Variants in ENSA observed in about 807,000 individuals in gnomAD.
ENSA encodes alpha-endosulfine.
ENSA carries 7 observed loss-of-function variants against 16.8 expected under a neutral mutation model. That is an observed-to-expected ratio of 0.42 (90% CI 0.24 to 0.78). The LOEUF (loss-of-function observed/expected upper bound fraction) is 0.78, where lower values mean the gene tolerates loss of function less well. ENSA is among the 30% of genes least tolerant of loss of function. The pLI is 0.29. For missense variants in ENSA, 87 were observed against 142.3 expected (o/e 0.61, Z 1.98); for synonymous variants, 58 against 53.4 (o/e 1.09, Z -0.37).
In ENSA at chr1:150,622,864, G is replaced by A. The variant is rs751325976; in HGVS notation, c.351-5C>T. 290 of 1,548,990 alleles carry A rather than the reference G, an allele frequency of 1.9e-4. No homozygotes were observed. The highest frequency in any genetic ancestry group is 2.4e-4 in the Non-Finnish European group (270 of 1,146,976). On this transcript the variant is annotated splice_polypyrimidine_tract_variant and splice_region_variant and intron_variant, in intron 3 of 3. Transcript: ENST00000369014. The stretch of plus-strand genomic sequence containing the variant: ...CAGCATCATTCAACTTGGCCACTGC[G>A]GACGAACACAGAAGAAAAAAAAAAA...
chr1:150,623,880 A>T, intron 3 of ENSA: 2 of 985,594 alleles, frequency 2.0e-6, no homozygotes, highest in African/African-American at 3.5e-5. Flanking sequence ...CTCCTATCCA[A>T]TTTGAATGAC....
rs1649311207 is a variant in ENSA at position 150,626,392 on chromosome 1, C to T, written c.184-584G>A. On this transcript the variant is annotated intron_variant, in intron 2 of 3. Coordinates refer to ENST00000369014, the MANE Select transcript of ENSA (RefSeq NM_004436.4). Reference sequence around the variant, plus strand: ...AGCCTGCCCACGCCTGCCTTGCCTCCAGCAAGGTAAATGCAAATCAGCATC... The same window carrying T: ...AGCCTGCCCACGCCTGCCTTGCCTCTAGCAAGGTAAATGCAAATCAGCATC... The T allele has an allele frequency of 4.4e-6, 6 of 1,352,048 alleles. No homozygotes were observed. In the Admixed American group the frequency reaches 5.2e-5, roughly 12 times the overall value. The allele number at this position is 1,352,048 out of a possible 1,614,324, so 83.8% of individuals were successfully genotyped here. A position where few individuals can be genotyped will look rare whatever the true frequency, so the allele number is the denominator to read the frequency against.
chr1:150,626,951 CTT>C (rs200689397), intron 2 of ENSA: 8,083 of 702,082 alleles, frequency 0.012, 56 homozygotes, highest in South Asian at 0.025. Context: ...TAGACTCTCT[CTT>C]GGTAAGGAGG....
Position 150,625,716 on chromosome 1 carries a change from C to A in ENSA, c.276G>T (p.Val92=), listed in dbSNP as rs778844671. Residue 92 remains valine (V), a synonymous_variant, in exon 3 of 4, where the codon GTG becomes GTT. Transcript: ENST00000369014. ...LPSAGPDKNL[V]TGDHIPTPQD... ...GTGGGGTGGGGATGTGATCACCAGTCACCAGGTTCTTGTCTGGTCCTGCAC... is the reference window on the plus strand; with the variant it reads ...GTGGGGTGGGGATGTGATCACCAGTAACCAGGTTCTTGTCTGGTCCTGCAC... 47 of 1,613,112 alleles carry A rather than the reference C, an allele frequency of 2.9e-5. No homozygotes were observed. In the East Asian group the frequency reaches 1.0e-3, roughly 36 times the overall value.
chr1:150,625,480 CCCTTTTCAA>C, intron 3 of ENSA, 153 bp downstream of exon 3: 2 of 1,332,516 alleles, frequency 1.5e-6, no homozygotes, highest in Non-Finnish European at 1.9e-6. Flanking sequence ...AACTTAGAGC[CCCTTTTCAA>C]CCTACATTAC....
intron 3 of ENSA, 62 bp from the exon 4 acceptor site, chr1:150,622,921 AC>A: frequency 1.3e-6 from 2 of 1,528,966 alleles, no homozygotes; most frequent in Non-Finnish European, 1.8e-6. Flanking sequence ...GGGGAAAAAA[AC>A]CCTGAACTCC....
chr1:150,624,919 G>A (rs1244417110), intron 3 of ENSA: 1 of 974,668 alleles, frequency 1.0e-6, no homozygotes, highest in East Asian at 1.1e-4. Flanking sequence ...TGAGTAGAGT[G>A]AGAACCCAGA....
chr1:150,621,780 C>G (rs1339229047), downstream of ENSA: 1 of 152,134 alleles, frequency 6.6e-6, no homozygotes, highest in Non-Finnish European at 1.5e-5. Context: ...TGGTTTGTCA[C>G]ATTTCTCCCT....
chr1:150,627,519 A>T lies in ENSA; in HGVS notation c.131T>A (p.Leu44Gln). 3.1e-6 allele frequency: 5 copies of T among 1,614,180 alleles called. No homozygotes were observed. The highest frequency in any genetic ancestry group is 4.2e-6 in the Non-Finnish European group (5 of 1,180,026). Reference sequence around the variant, plus strand: ...GTCGGAGCCTCCAGGCTTTTGTCCTAGGCTTGGGTATTTGGCCTTTAGCTT... The same window carrying T: ...GTCGGAGCCTCCAGGCTTTTGTCCTTGGCTTGGGTATTTGGCCTTTAGCTT... ...EAKLKAKYPS[L>Q]GQKPGGSDFL... The change falls in exon 2 of 4, where the codon CTA becomes CAA. Residue 44 changes from leucine to glutamine, a missense_variant. Coordinates refer to ENST00000369014, the MANE Select transcript of ENSA (RefSeq NM_004436.4).
At position 150,627,518 on chromosome 1, in the gene ENSA, T is replaced by A. The variant is rs1439479958; in HGVS notation, c.132A>T (p.Leu44=). ...AGTCGGAGCCTCCAGGCTTTTGTCC[T>A]AGGCTTGGGTATTTGGCCTTTAGCT... The part of the protein sequence containing the change: ...EAKLKAKYPS[L]GQKPGGSDFL... Residue 44 remains leucine, a synonymous_variant, in exon 2 of 4, where the codon CTA becomes CTT. Coordinates refer to ENST00000369014, the MANE Select transcript of ENSA (RefSeq NM_004436.4). 31 of 1,614,230 alleles carry A rather than the reference T, an allele frequency of 1.9e-5. No individual in the cohort carries two copies. The highest frequency in any genetic ancestry group is 2.6e-5 in the Non-Finnish European group (31 of 1,180,048).
intron 1 of ENSA, among the ~76,000 whole-genome samples, chr1:150,628,579 G>A (rs1649511957): frequency 6.6e-6 from 1 of 151,080 alleles, no homozygotes; most frequent in Admixed American, 6.6e-5. Context: ...TCTTTTTAGT[G>A]GAATTATATT....
Position 150,622,877 on chromosome 1 carries a change from A to AC in ENSA, c.351-19_351-18insG. 4.5e-6 allele frequency: 7 copies of AC among 1,543,342 alleles called. No homozygotes were observed. The highest frequency in any genetic ancestry group is 4.4e-6 in the Non-Finnish European group (5 of 1,143,036). On this transcript the variant is annotated intron_variant, in intron 3 of 3. Coordinates refer to ENST00000369014, the MANE Select transcript of ENSA (RefSeq NM_004436.4). ...CTTGGCCACTGCGGACGAACACAGAAGAAAAAAAAAAAAAACAACACTGTC... is the reference window on the plus strand; with the variant it reads ...CTTGGCCACTGCGGACGAACACAGAACGAAAAAAAAAAAAAACAACACTGTC...
intron 3 of ENSA, chr1:150,624,614 G>A (rs587648697): frequency 2.0e-6 from 2 of 985,678 alleles, no homozygotes; most frequent in Non-Finnish European, 2.4e-6. Flanking sequence ...TATCTATAAG[G>A]TTCTCTTGCC....
chr1:150,629,111 T>C, intron 1 of ENSA: 1 of 1,614,138 alleles, frequency 6.2e-7, no homozygotes, highest in Non-Finnish European at 8.5e-7. Flanking sequence ...GCCATCCCCT[T>C]TCCATTCACC....
chr1:150,625,309 T>C, intron 3 of ENSA: 1 of 1,030,272 alleles, frequency 9.7e-7, no homozygotes, highest in Non-Finnish European at 1.2e-6. Flanking sequence ...CTCAGCCTAA[T>C]CAATTTTGGG....
In ENSA at chr1:150,627,607, T is replaced by C; in HGVS notation, c.58-15A>G. 1 of 1,594,328 alleles carries C rather than the reference T, an allele frequency of 6.3e-7. No homozygotes were observed. Among genetic ancestry groups the C allele is most frequent in the Non-Finnish European group, 8.5e-7 (1 of 1,173,704 alleles). ...TCCTGCGTGTCCTGGAGAAAACAAATGAGCCAAATAAAATTAAAGACTGAG... is the reference window on the plus strand; with the variant it reads ...TCCTGCGTGTCCTGGAGAAAACAAACGAGCCAAATAAAATTAAAGACTGAG... On this transcript the variant is annotated splice_polypyrimidine_tract_variant and intron_variant, in intron 1 of 3. Coordinates refer to ENST00000369014, the MANE Select transcript of ENSA (RefSeq NM_004436.4).
chr1:150,626,953 T>C (rs1351476809), intron 2 of ENSA: 10 of 696,574 alleles, frequency 1.4e-5, no homozygotes, highest in South Asian at 9.3e-5. Flanking sequence ...GACTCTCTCT[T>C]GGTAAGGAGG....
chr1:150,626,558 TAAA>T (rs777406819), intron 2 of ENSA: 2 of 1,601,120 alleles, frequency 1.2e-6, no homozygotes, highest in African/African-American at 2.7e-5. Context: ...GTAAGGAAAA[TAAA>T]AAAATTTTTT....
chr1:150,628,223 T>C (rs1371430687), intron 1 of ENSA, among the ~76,000 whole-genome samples: 3 of 152,260 alleles, frequency 2.0e-5, no homozygotes, highest in African/African-American at 7.2e-5. Context: ...TCCTTCTTTA[T>C]TCAAGGTCTA....
Sources: gnomAD v4.1 joint callset for allele counts (sites outside exome capture counted in the v4.1 genomes callset) on GRCh38, gnomAD v4.1.1 for gene constraint, MANE v1.5 for transcripts, NCBI Gene and HGNC (gene_info 2026-07-23, HGNC 2026-07-21) for gene names.